Variants in KLRC2 observed in about 807,000 individuals in gnomAD.
KLRC2 encodes the protein NKG2-C type II integral membrane protein.
Under a neutral mutation model 25.5 loss-of-function variants are expected in KLRC2, and 10 were observed. That is an observed-to-expected ratio of 0.39 (90% CI 0.24 to 0.67). The LOEUF (loss-of-function observed/expected upper bound fraction) is 0.67, where lower values mean the gene tolerates loss of function less well. Ranked by LOEUF, KLRC2 falls within the 30% of genes least tolerant of loss-of-function variation. The probability of loss-of-function intolerance (pLI) is 0.45; values close to 1 mark genes in which losing one functional copy is unlikely to be tolerated. For missense variants in KLRC2, 170 were observed against 272.8 expected, an observed-to-expected ratio of 0.62 and a Z score of 2.65; for synonymous variants, 48 against 93.3, an observed-to-expected ratio of 0.51 and a Z score of 2.80.
At chr12:10,433,655 A>G in intron 4 of KLRC2, 136 bp downstream of exon 4, 2 of 1,010,024 alleles carry the variant, frequency 2.0e-6, no homozygotes, top group East Asian at 3.0e-5. Context: ...AACATTATTA[A>G]GTCAATCAAT....
chr12:10,434,173 T>A (rs1863844575), intron 3 of KLRC2: 1 of 716,190 alleles, frequency 1.4e-6, no homozygotes, highest in Non-Finnish European at 2.3e-6. Context: ...CAAACAAAAA[T>A]ACACTCTACA....
chr12:10,432,133 G>A lies in KLRC2; in HGVS notation c.557C>T (p.Thr186Ile). The stretch of plus-strand genomic sequence containing the variant: ...ATGTTTGAAAGCCAAACCATTTATT[G>A]TCACCCATGGATGATGACTGCTGTT... Reference protein sequence around the residue: ...FRNSSHHPWVTINGLAFKHKI... With the variant: ...FRNSSHHPWVIINGLAFKHKI... Residue 186 changes from threonine to isoleucine, a missense_variant, in exon 5 of 6, where the codon ACA becomes ATA. Thr to Ile is a moderately conservative substitution (Grantham distance 89). This residue lies in a region of KLRC2 where 129 missense variants were observed against 150.2 expected (regional missense o/e 0.86). Coordinates refer to ENST00000381902, the MANE Select transcript of KLRC2 (RefSeq NM_002260.4). 2.0e-6 allele frequency: 3 copies of A among 1,531,376 alleles called. No individual in the cohort carries two copies. Among genetic ancestry groups the A allele is most frequent in the Non-Finnish European group, 2.7e-6 (3 of 1,125,152 alleles). The allele number at this position is 1,531,376 out of a possible 1,614,324, so 94.9% of individuals were successfully genotyped here. A position where few individuals can be genotyped will look rare whatever the true frequency, so the allele number is the denominator to read the frequency against.
Position 10,435,732 on chromosome 12 carries a change from T to C in KLRC2, c.187+68A>G, listed in dbSNP as rs147526459. 6,820 of 1,456,156 alleles carry C rather than the reference T, an allele frequency of 4.7e-3. 979 individuals are homozygous for C. The highest frequency in any genetic ancestry group is 5.3e-3 in the Non-Finnish European group (5,653 of 1,064,920). The allele number at this position is 1,456,156 out of a possible 1,614,324, so 90.2% of individuals were successfully genotyped here. A position where few individuals can be genotyped will look rare whatever the true frequency, so the allele number is the denominator to read the frequency against. Reference sequence around the variant, plus strand: ...CAAGTGCAAAATATTCCCTAATCTTTCCTCACCCTTCTGCATTCAACTGCA... The same window carrying C: ...CAAGTGCAAAATATTCCCTAATCTTCCCTCACCCTTCTGCATTCAACTGCA... On this transcript the variant is annotated intron_variant, in intron 1 of 5. Coordinates refer to ENST00000381902, the MANE Select transcript of KLRC2 (RefSeq NM_002260.4).
rs543491036 is a variant in KLRC2, at chr12:10,431,694, G to A, written c.584+412C>T. ...AGTCCAGCTCGAGGTTGTCCAACTC[G>A]CTGCCCATGGGCCGCACGTGACCCA... On this transcript the variant is annotated intron_variant, in intron 5 of 5. Transcript: ENST00000381902. Among the ~76,000 whole-genome samples, 5 of 141,868 alleles carry A rather than the reference G, an allele frequency of 3.5e-5. No individual in the cohort carries two copies. The South Asian group carries it at 1.1e-3, about 31-fold the overall frequency. The allele number at this position is 141,868 out of a possible 152,430, so 93.1% of individuals were successfully genotyped here.
rs1427883289 is a variant in KLRC2, at chr12:10,430,814, T to C, written c.*303A>G. ...ACCTCCCTGAGACATTGGCAACCAC[T>C]ATTCTACTTTCTGTCTCCATGGGTT... On this transcript the variant is annotated 3_prime_UTR_variant, in exon 6 of 6. Coordinates refer to ENST00000381902, the MANE Select transcript of KLRC2 (RefSeq NM_002260.4). 16 of 339,946 alleles carry C rather than the reference T, an allele frequency of 4.7e-5. No homozygotes were observed. The highest frequency in any genetic ancestry group is 6.8e-5 in the Non-Finnish European group (15 of 221,814). The allele number at this position is 339,946 out of a possible 1,614,324, so 21.1% of individuals were successfully genotyped here.
intron 3 of KLRC2, 172 bp downstream of exon 3, chr12:10,434,314 T>A (rs1863846372): frequency 3.3e-6 from 2 of 602,912 alleles, no homozygotes; most frequent in Admixed American, 4.5e-5. Context: ...TAAGTGAGTA[T>A]TTCTACTCAC....
In KLRC2 at chr12:10,431,077, A is replaced by C. The variant is rs148788494; in HGVS notation, c.*40T>G. The C allele has an allele frequency of 9.1e-6, 12 of 1,311,724 alleles. 1 individual carries two copies. The highest frequency in any genetic ancestry group is 1.3e-5 in the Non-Finnish European group (12 of 941,408). The allele number at this position is 1,311,724 out of a possible 1,614,324, so 81.3% of individuals were successfully genotyped here. A position where few individuals can be genotyped will look rare whatever the true frequency, so the allele number is the denominator to read the frequency against. ...ATAATATTTCTATTTTAAGAAATAT[A>C]AAATGTATCTGATGCACTGCAAACG... On this transcript the variant is annotated 3_prime_UTR_variant, in exon 6 of 6. Coordinates refer to ENST00000381902, the MANE Select transcript of KLRC2 (RefSeq NM_002260.4).
chr12:10,431,097 C>A lies in KLRC2; in HGVS notation c.*20G>T. ...AATATAAAATGTATCTGATGCACTG[C>A]AAACGCAAATGCTTTACTTCTAAAG... On this transcript the variant is annotated 3_prime_UTR_variant, in exon 6 of 6. Coordinates refer to ENST00000381902, the MANE Select transcript of KLRC2 (RefSeq NM_002260.4). The A allele has an allele frequency of 3.5e-6, 5 of 1,420,894 alleles. 1 individual carries two copies. Among genetic ancestry groups the A allele is most frequent in the Non-Finnish European group, 4.9e-6 (5 of 1,026,428 alleles). 88.0% of individuals were successfully genotyped at this position (1,420,894 alleles called of 1,614,324 possible).
At chr12:10,435,753 C>T in intron 1 of KLRC2, 47 bp downstream of exon 1, 1 of 1,516,712 alleles carries the variant, frequency 6.6e-7, no homozygotes, top group Non-Finnish European at 9.0e-7. Flanking sequence ...CTGCATTCAA[C>T]TGCACATCCT....
At chr12:10,431,711 C>T (rs1435887167) in intron 5 of KLRC2, among the ~76,000 whole-genome samples, 6 of 141,518 alleles carry the variant, frequency 4.2e-5, no homozygotes, top group Admixed American at 1.4e-4. Context: ...ATGGGCCGCA[C>T]GTGACCCAGG....
chr12:10,435,997 G>C lies in KLRC2; in HGVS notation c.-11C>G, dbSNP rs1224261937. On this transcript the variant is annotated 5_prime_UTR_variant, in exon 1 of 6. Transcript: ENST00000381902. ...TCTTTGTTTATTCATCTCTGCAGCT[G>C]TGTGATGTGAGGGACTGTGCTCTAT... 6.2e-7 allele frequency: 1 copy of C among 1,605,184 alleles called. No individual in the cohort carries two copies. The highest frequency in any genetic ancestry group is 8.5e-7 in the Non-Finnish European group (1 of 1,175,914).
Position 10,432,789 on chromosome 12 carries a change from T to A in KLRC2, c.484-583A>T, listed in dbSNP as rs1591606395. ...AAAAGCAATGGAGAACTCTGAAAGG[T>A]GGAAAGAGAAAGATGAAATTGTCTG... On this transcript the variant is annotated intron_variant, in intron 4 of 5. Transcript: ENST00000381902. 1.5e-5 allele frequency among the ~76,000 whole-genome samples: 2 copies of A among 132,606 alleles called. 1 individual carries two copies. Among genetic ancestry groups the A allele is most frequent in the East Asian group, 4.6e-4 (2 of 4,354 alleles). 87.0% of individuals were successfully genotyped at this position (132,606 alleles called of 152,430 possible). A position where few individuals can be genotyped will look rare whatever the true frequency, so the allele number is the denominator to read the frequency against.
Position 10,431,859 on chromosome 12 carries a change from G to A in KLRC2, c.584+247C>T, listed in dbSNP as rs1337125126. Among the ~76,000 whole-genome samples the A allele has an allele frequency of 2.2e-5, 3 of 138,020 alleles. 1 individual carries two copies. The highest frequency in any genetic ancestry group is 8.4e-5 in the African/African-American group (3 of 35,590). 90.5% of individuals were successfully genotyped at this position (138,020 alleles called of 152,430 possible). A position where few individuals can be genotyped will look rare whatever the true frequency, so the allele number is the denominator to read the frequency against. Reference sequence around the variant, plus strand: ...GGCCCAAGACTATTCGTCTTCTAACGTGGCCCACAGAAGCCAAAGATGGGA... The same window carrying A: ...GGCCCAAGACTATTCGTCTTCTAACATGGCCCACAGAAGCCAAAGATGGGA... On this transcript the variant is annotated intron_variant, in intron 5 of 5. Transcript: ENST00000381902.
chr12:10,431,405 G>A (rs1275671578), intron 5 of KLRC2, 177 bp from the exon 6 acceptor site: 6 of 749,254 alleles, frequency 8.0e-6, no homozygotes, highest in African/African-American at 2.0e-5. Context: ...CTTCATCCAC[G>A]AGGGATATGT....
rs757431101 is a variant in KLRC2 at position 10,435,790 on chromosome 12, A to G, written c.187+10T>C. ...GAACAATAATATTGAAGATATATTT[A>G]ATGTTTTACCTTGGCAGTCATATAT... is the stretch of plus-strand genomic sequence containing the variant. On this transcript the variant is annotated intron_variant, in intron 1 of 5. Coordinates refer to ENST00000381902, the MANE Select transcript of KLRC2 (RefSeq NM_002260.4). 3.2e-6 allele frequency: 5 copies of G among 1,542,972 alleles called. No homozygotes were observed. In the South Asian group the frequency reaches 5.6e-5, roughly 17 times the overall value.
rs749870040 is a variant in KLRC2, at chr12:10,433,806, A to T, written c.468T>A (p.Asp156Glu). The change falls in exon 4 of 6, where the codon GAT (aspartate) becomes GAA (glutamate). Residue 156 changes from aspartate to glutamate, a missense_variant. Asp to Glu is a conservative substitution (Grantham distance 45, BLOSUM62 2). Transcript: ENST00000381902. Reference protein sequence around the residue: ...TSKNSSLLSIDNEEEMKFLAS... With the variant: ...TSKNSSLLSIENEEEMKFLAS... ...TACATCTTACCATTTCTTCTTCATT[A>T]TCTATAGAAAGCAGACTGGAGTTCT... 6.5e-7 allele frequency: 1 copy of T among 1,549,330 alleles called. No homozygotes were observed. The highest frequency in any genetic ancestry group is 8.8e-7 in the Non-Finnish European group (1 of 1,135,642).
intron 4 of KLRC2, among the ~76,000 whole-genome samples, chr12:10,432,977 G>A (rs1863831009): frequency 1.4e-5 from 2 of 140,272 alleles, no homozygotes; most frequent in African/African-American, 5.5e-5. Context: ...CAAGGCTGGT[G>A]CCACTGGCAA....
At chr12:10,434,300 A>G (rs1331955003) in intron 3 of KLRC2, 186 bp downstream of exon 3, 1 of 593,110 alleles carries the variant, frequency 1.7e-6, no homozygotes, top group East Asian at 3.8e-5. Context: ...GGGTAGAATG[A>G]TTTTAAGTGA....
chr12:10,431,459 C>T (rs1385527596), intron 5 of KLRC2, among the ~76,000 whole-genome samples: 1 of 141,626 alleles, frequency 7.1e-6, no homozygotes, highest in Non-Finnish European at 1.5e-5. Flanking sequence ...TAGTGCAGAA[C>T]CTATAGAGAG....
Sources: allele counts gnomAD v4.1 joint callset (sites outside exome capture counted in the v4.1 genomes callset), GRCh38; gene constraint gnomAD v4.1.1; regional missense constraint gnomAD v4.1.1; transcripts MANE v1.5; gene names NCBI Gene and HGNC (gene_info 2026-07-23, HGNC 2026-07-21).